The following MAGEA11 variants were observed in gnomAD, a reference collection of about 807,000 sequenced individuals.
MAGEA11 encodes MAGE family member A11.
In MAGEA11, 1 loss-of-function variant was observed where a neutral mutation model predicts 8.4. That is an observed-to-expected ratio of 0.12 (90% CI 0.04 to 0.57). MAGEA11 has a LOEUF of 0.57. MAGEA11 is among the 20% of genes least tolerant of loss of function. The probability of loss-of-function intolerance (pLI) is 0.91; values close to 1 mark genes in which losing one functional copy is unlikely to be tolerated. For missense variants in MAGEA11, 209 were observed against 317.3 expected (o/e 0.66, Z 2.59); for synonymous variants, 127 against 119.3 (o/e 1.06, Z -0.42).
intron 1 of MAGEA11, among the ~76,000 whole-genome samples, 169 bp from the exon 2 acceptor site, chrX:149,712,974 A>C (rs1380399283): frequency 3.6e-5 from 4 of 112,212 alleles, no homozygotes; most frequent in Non-Finnish European, 7.5e-5. Flanking sequence ...CTGGGCTGAC[A>C]GAGGGAAGGG....
chrX:149,691,285 A>C (rs994557502), intron 1 of MAGEA11, among the ~76,000 whole-genome samples: 1 of 111,063 alleles, frequency 9.0e-6, no homozygotes, highest in South Asian at 3.8e-4. Flanking sequence ...GTTCTCATAT[A>C]CATTCATAAA....
chrX:149,713,093 G>GTCC (rs1557362062), intron 1 of MAGEA11, 50 bp from the exon 2 acceptor site: 2 of 811,603 alleles, frequency 2.5e-6, no homozygotes, highest in Non-Finnish European at 3.6e-6. Flanking sequence ...CCCCAGAACA[G>GTCC]CCCCCCCCCA....
intron 1 of MAGEA11, among the ~76,000 whole-genome samples, chrX:149,689,760 C>G (rs968451768): frequency 3.5e-5 from 4 of 112,789 alleles, no homozygotes; most frequent in Admixed American, 2.8e-4. Context: ...GGCTCTCCAG[C>G]CCTGCCAACA....
chrX:149,693,304 T>C (rs1557360300), intron 1 of MAGEA11, among the ~76,000 whole-genome samples: 2 of 112,220 alleles, frequency 1.8e-5, no homozygotes. Context: ...TGTAAGTTTG[T>C]GTGTGAGGGA....
At chrX:149,704,445 C>T (rs1447749321) in intron 1 of MAGEA11, among the ~76,000 whole-genome samples, 5 of 112,247 alleles carry the variant, frequency 4.5e-5, no homozygotes, top group Non-Finnish European at 9.4e-5. Flanking sequence ...TTCACTCCTG[C>T]TTCATTCAGA....
At chrX:149,690,702 G>A (rs1233354861) in intron 1 of MAGEA11, among the ~76,000 whole-genome samples, 1 of 112,123 alleles carries the variant, frequency 8.9e-6, no homozygotes, top group Non-Finnish European at 1.9e-5. Context: ...AGGAAAATAT[G>A]TTTTATACTT....
At chrX:149,711,492 A>T (rs1354057722), upstream of MAGEA11, among the ~76,000 whole-genome samples, 1 of 111,968 alleles carries the variant, frequency 8.9e-6, no homozygotes, top group African/African-American at 3.3e-5. Context: ...TACTGAAGCC[A>T]CATGGAAGCA....
exon 1 of MAGEA11, chrX:149,688,941 T>G (rs1557359910): frequency 9.8e-7 from 1 of 1,025,238 alleles, no homozygotes; most frequent in Non-Finnish European, 1.3e-6. Context: ...AGCTGGTGAC[T>G]GATGGCTGAC....
intron 1 of MAGEA11, among the ~76,000 whole-genome samples, chrX:149,695,001 T>G (rs2090325195): frequency 8.9e-6 from 1 of 112,009 alleles, no homozygotes; most frequent in Admixed American, 9.5e-5. Flanking sequence ...ATTACAGGCA[T>G]GAGCCACCAC....
intron 1 of MAGEA11, among the ~76,000 whole-genome samples, chrX:149,694,747 G>A (rs781824641): frequency 9.3e-6 from 1 of 107,526 alleles, no homozygotes; most frequent in Non-Finnish European, 1.9e-5. Flanking sequence ...TTTCGACAAA[G>A]TGTCACCCTT....
At chrX:149,698,841 A>T (rs1316518110) in intron 1 of MAGEA11, among the ~76,000 whole-genome samples, 3 of 110,600 alleles carry the variant, frequency 2.7e-5, no homozygotes, top group African/African-American at 9.9e-5. Flanking sequence ...GCTCCCACGT[A>T]TGAGTGACAA....
At chrX:149,694,575 A>AT (rs1268389819) in intron 1 of MAGEA11, among the ~76,000 whole-genome samples, 2 of 111,742 alleles carry the variant, frequency 1.8e-5, no homozygotes, top group African/African-American at 6.5e-5. Flanking sequence ...CCTCTAGTGA[A>AT]TTCACTTTCT....
chrX:149,715,933 C>A lies in MAGEA11; in HGVS notation c.447C>A (p.Ala149=), dbSNP rs781865337. The A allele has an allele frequency of 4.1e-6, 5 of 1,209,728 alleles. No individual in the cohort carries two copies. In the South Asian group the frequency reaches 8.8e-5, roughly 21 times the overall value. ...QALQAEEQEA[A]FFSSTLNVGT... ...TCCAAGCTGAGGAGCAGGAGGCTGCCTTCTTCTCCTCTACTCTGAATGTGG... is the reference window on the plus strand; with the variant it reads ...TCCAAGCTGAGGAGCAGGAGGCTGCATTCTTCTCCTCTACTCTGAATGTGG... The change falls in exon 5 of 5, where the codon GCC becomes GCA. Residue 149 remains alanine (A), a synonymous_variant. Transcript: ENST00000355220.
At chrX:149,714,731 C>G (rs11117537) in intron 3 of MAGEA11, among the ~76,000 whole-genome samples, 155 bp downstream of exon 3, 5,631 of 111,693 alleles carry the variant, frequency 0.05, 388 homozygotes, top group East Asian at 0.26. Context: ...TCTCAGGGAG[C>G]GGGAGACATT....
chrX:149,691,835 G>C (rs1312618501), intron 1 of MAGEA11, among the ~76,000 whole-genome samples: 1 of 112,841 alleles, frequency 8.9e-6, no homozygotes, highest in Non-Finnish European at 1.9e-5. Context: ...CAGGCAGTAA[G>C]CTAAGGAAAT....
rs782529889 is a variant in MAGEA11, at chrX:149,694,701, CTCTT to C, written c.9+5727_9+5730del. 2.7e-4 allele frequency among the ~76,000 whole-genome samples: 30 copies of C among 110,410 alleles called. 1 individual carries two copies. Among genetic ancestry groups the C allele is most frequent in the Non-Finnish European group, 5.7e-4 (30 of 52,706 alleles). On this transcript the variant is annotated intron_variant, in intron 1 of 3. Coordinates refer to the MAGEA11 transcript ENST00000333104. Reference sequence around the variant, plus strand: ...TCTTTTCTCTTTATTTCTTTTCTTTCTCTTTCTTTCTTTTCTTTTCTTTTTTTTA... The same window carrying C: ...TCTTTTCTCTTTATTTCTTTTCTTTCTCTTTCTTTTCTTTTCTTTTTTTTA...
intron 1 of MAGEA11, among the ~76,000 whole-genome samples, chrX:149,694,362 C>T (rs1557360388): frequency 8.9e-6 from 1 of 112,305 alleles, no homozygotes; most frequent in African/African-American, 3.2e-5. Context: ...TATGTATCTT[C>T]TTTGGAGAAC....
At chrX:149,706,406 A>G (rs781846339) in intron 1 of MAGEA11, among the ~76,000 whole-genome samples, 7 of 111,664 alleles carry the variant, frequency 6.3e-5, no homozygotes, top group Non-Finnish European at 1.1e-4. Context: ...CAAGTTTAGA[A>G]AGCAAAAACT....
intron 1 of MAGEA11, among the ~76,000 whole-genome samples, chrX:149,698,192 C>T (rs1303068155): frequency 9.0e-6 from 1 of 111,592 alleles, no homozygotes; most frequent in African/African-American, 3.3e-5. Context: ...TTGGTCTGGA[C>T]TTTCACAGAG....
Sources: gnomAD v4.1 joint callset for allele counts (sites outside exome capture counted in the v4.1 genomes callset) on GRCh38, gnomAD v4.1.1 for gene constraint, MANE v1.5 for transcripts, NCBI Gene and HGNC (gene_info 2026-07-23, HGNC 2026-07-21) for gene names.